SRPK2: variants seen among roughly 807,000 people sequenced by gnomAD.
SRPK2 encodes SFRS protein kinase 2.
A neutral mutation model predicts 90.8 loss-of-function variants in SRPK2; 21 were observed. The observed-to-expected ratio is 0.23, with a 90% CI of 0.16 to 0.33. The LOEUF is 0.33. Ranked by LOEUF, SRPK2 falls within the 10% of genes least tolerant of loss-of-function variation. The pLI, the probability that SRPK2 is intolerant of heterozygous loss-of-function variation, is 1.00. For missense variants in SRPK2, 620 were observed against 869.0 expected (o/e 0.71, Z 3.60); for synonymous variants, 288 against 311.1 (o/e 0.93, Z 0.78).
intron 9 of SRPK2, 84 bp downstream of exon 9, chr7:105,145,199 C>T (rs1804406183): frequency 1.8e-6 from 2 of 1,110,300 alleles, no homozygotes; most frequent in Non-Finnish European, 2.5e-6. Context: ...TTTAAATACA[C>T]AACTTTTTTA....
At chr7:105,323,818 T>C (rs189741194) in intron 2 of SRPK2, among the ~76,000 whole-genome samples, 13 of 152,292 alleles carry the variant, frequency 8.5e-5, no homozygotes, top group African/African-American at 2.9e-4. Context: ...ATCTTTCCTG[T>C]AGTGGACCCA....
chr7:105,129,351 A>C (rs1584886236), intron 13 of SRPK2, among the ~76,000 whole-genome samples: 1 of 152,114 alleles, frequency 6.6e-6, no homozygotes. Flanking sequence ...CAACAGGGCA[A>C]ATGCACATTA....
Position 105,381,033 on chromosome 7 carries a change from C to A in SRPK2, c.71+7615G>T, listed in dbSNP as rs117329806. Among the ~76,000 whole-genome samples the A allele has an allele frequency of 4.7e-3, 701 of 148,312 alleles. 11 individuals are homozygous for A. The East Asian group carries it at 0.056, about 12-fold the overall frequency. On this transcript the variant is annotated intron_variant, in intron 2 of 15. Coordinates refer to ENST00000393651, the MANE Select transcript of SRPK2 (RefSeq NM_182692.3). ...CAGCATTTTGGAAGGCTGAGGCAGG[C>A]AGATCACTTGAGGCTTAGGCCAGGA...
chr7:105,258,525 T>C (rs930239277), intron 2 of SRPK2, among the ~76,000 whole-genome samples: 3 of 151,690 alleles, frequency 2.0e-5, no homozygotes, highest in African/African-American at 7.3e-5. Flanking sequence ...TGTAAATGAC[T>C]ATGTTTTATC....
intron 2 of SRPK2, among the ~76,000 whole-genome samples, chr7:105,242,953 T>C (rs1801013512): frequency 6.6e-6 from 1 of 152,212 alleles, no homozygotes; most frequent in African/African-American, 2.4e-5. Context: ...TTAATTCTGG[T>C]AGAAGGTGAG....
chr7:105,326,170 T>C (rs1813564550), intron 2 of SRPK2, among the ~76,000 whole-genome samples: 1 of 152,178 alleles, frequency 6.6e-6, no homozygotes, highest in Non-Finnish European at 1.5e-5. Context: ...AATAAGTCCT[T>C]AATCTGACCA....
intron 13 of SRPK2, among the ~76,000 whole-genome samples, chr7:105,131,386 T>G (rs1801978235): frequency 6.6e-6 from 1 of 152,186 alleles, no homozygotes; most frequent in African/African-American, 2.4e-5. Flanking sequence ...AAATTCAAAG[T>G]GACCATCATT....
At chr7:105,159,384 G>A (rs1156522084) in intron 7 of SRPK2, among the ~76,000 whole-genome samples, 2 of 138,746 alleles carry the variant, frequency 1.4e-5, no homozygotes, top group African/African-American at 5.3e-5. Flanking sequence ...TGCTCAGGAG[G>A]CTGCAATGAG....
At chr7:105,129,244 C>CT (rs773826830) in intron 13 of SRPK2, among the ~76,000 whole-genome samples, 210 of 151,580 alleles carry the variant, frequency 1.4e-3, no homozygotes, top group Admixed American at 2.8e-3. Flanking sequence ...AAATAATTTT[C>CT]TTTTTTTTTA....
At chr7:105,345,747 C>T (rs942781774) in intron 2 of SRPK2, among the ~76,000 whole-genome samples, 11 of 152,206 alleles carry the variant, frequency 7.2e-5, no homozygotes, top group African/African-American at 9.6e-5. Flanking sequence ...GGTCTGTGAG[C>T]TCTTGGGCCT....
At chr7:105,150,817 C>G (rs1180774186) in intron 7 of SRPK2, among the ~76,000 whole-genome samples, 4 of 152,156 alleles carry the variant, frequency 2.6e-5, no homozygotes, top group Non-Finnish European at 4.4e-5. Context: ...CGTTTTCCAA[C>G]TAAAATTGTA....
chr7:105,385,171 ATTTTTTTTTT>A lies in SRPK2; in HGVS notation c.71+3467_71+3476del, dbSNP rs767913304. On this transcript the variant is annotated intron_variant, in intron 2 of 15. Transcript: ENST00000393651. ...ACAGGCGTGAGCCACCGCGCCCGGCATTTTTTTTTTTTTTTTTTTTTTTTTTTGAGATGGA... is the reference window on the plus strand; with the variant it reads ...ACAGGCGTGAGCCACCGCGCCCGGCATTTTTTTTTTTTTTTTTGAGATGGA... Among the ~76,000 whole-genome samples the A allele has an allele frequency of 2.8e-3, 141 of 49,676 alleles. 1 individual carries two copies. The highest frequency in any genetic ancestry group is 0.025 in the East Asian group (38 of 1,492). 32.6% of individuals were successfully genotyped at this position (49,676 alleles called of 152,430 possible). A position where few individuals can be genotyped will look rare whatever the true frequency, so the allele number is the denominator to read the frequency against.
At chr7:105,256,487 T>C (rs1437697177) in intron 2 of SRPK2, among the ~76,000 whole-genome samples, 1 of 152,154 alleles carries the variant, frequency 6.6e-6, no homozygotes, top group African/African-American at 2.4e-5. Flanking sequence ...TCCTGAATTG[T>C]TGGGACTACA....
Position 105,145,271 on chromosome 7 carries a change from G to GT in SRPK2, c.813+11dup. On this transcript the variant is annotated intron_variant, in intron 9 of 15. Transcript: ENST00000393651. ...ACATGGTGCATATAAAGTAATATGC[G>GT]TAAGTACTTACAGGTTTCTGCTGTG... 1.3e-6 allele frequency: 2 copies of GT among 1,585,394 alleles called. No homozygotes were observed. Among genetic ancestry groups the GT allele is most frequent in the Non-Finnish European group, 1.7e-6 (2 of 1,165,670 alleles).
At chr7:105,358,181 G>A (rs1403901995) in intron 2 of SRPK2, among the ~76,000 whole-genome samples, 4 of 123,296 alleles carry the variant, frequency 3.2e-5, no homozygotes, top group South Asian at 2.8e-4. Flanking sequence ...ACGAGATCAC[G>A]CCACTGCACT....
intron 2 of SRPK2, among the ~76,000 whole-genome samples, chr7:105,330,155 C>T (rs1362888258): frequency 1.3e-5 from 2 of 151,788 alleles, no homozygotes; most frequent in African/African-American, 2.4e-5. Flanking sequence ...CTGGCTAACA[C>T]GGTGAAACCC....
intron 2 of SRPK2, among the ~76,000 whole-genome samples, chr7:105,333,438 T>G (rs1402639078): frequency 6.6e-6 from 1 of 152,240 alleles, no homozygotes; most frequent in Non-Finnish European, 1.5e-5. Context: ...TTAGTAATCA[T>G]GGATTGCTCT....
chr7:105,378,761 CAA>C (rs35549009), intron 2 of SRPK2, among the ~76,000 whole-genome samples: 11 of 92,222 alleles, frequency 1.2e-4, no homozygotes, highest in African/African-American at 1.4e-4. Flanking sequence ...GACTCCGTCT[CAA>C]AAAAAAAAAA....
chr7:105,396,968 ATTTTATTT>A (rs1336490403), intron 1 of SRPK2, among the ~76,000 whole-genome samples: 1 of 152,026 alleles, frequency 6.6e-6, no homozygotes, highest in Non-Finnish European at 1.5e-5. Context: ...GTAGAGTGAC[ATTTTATTT>A]TTTTATTTTT....
Sources: gnomAD v4.1 joint callset for allele counts (sites outside exome capture counted in the v4.1 genomes callset) on GRCh38, gnomAD v4.1.1 for gene constraint, MANE v1.5 for transcripts, NCBI Gene and HGNC (gene_info 2026-07-23, HGNC 2026-07-21) for gene names.